CHP1: variants seen among roughly 807,000 people sequenced by gnomAD.
CHP1 encodes calcineurin B homologous protein 1.
Under a neutral mutation model 27.4 loss-of-function variants are expected in CHP1, and 11 were observed. That is an observed-to-expected ratio of 0.40 (90% CI 0.25 to 0.67). CHP1 has a LOEUF of 0.67. Ranked by LOEUF, CHP1 falls within the 30% of genes least tolerant of loss-of-function variation. The pLI is 0.38. For synonymous variants in CHP1, 89 were observed against 87.4 expected (o/e 1.02, Z -0.10); for missense variants, 169 against 251.3 (o/e 0.67, Z 2.22).
chr15:41,258,811 T>C (rs1278655159), intron 3 of CHP1, among the ~76,000 whole-genome samples: 2 of 152,318 alleles, frequency 1.3e-5, no homozygotes, highest in East Asian at 3.9e-4. Context: ...CAAAATATTA[T>C]ATGGGTGCCA....
intron 3 of CHP1, among the ~76,000 whole-genome samples, chr15:41,257,873 A>G (rs1051454217): frequency 1.3e-5 from 2 of 152,154 alleles, no homozygotes; most frequent in African/African-American, 4.8e-5. Context: ...ATTTTTTCAT[A>G]ATAAGTCCTT....
intron 4 of CHP1, among the ~76,000 whole-genome samples, chr15:41,268,335 T>C (rs960217671): frequency 6.6e-6 from 1 of 151,918 alleles, no homozygotes; most frequent in Non-Finnish European, 1.5e-5. Flanking sequence ...GGCAGGAGGA[T>C]TGCTTGAGCC....
intron 1 of CHP1, among the ~76,000 whole-genome samples, chr15:41,241,218 C>G (rs986741888): frequency 6.6e-6 from 1 of 152,174 alleles, no homozygotes; most frequent in Non-Finnish European, 1.5e-5. Flanking sequence ...ACAAGAATAG[C>G]CTTTGAGGCC....
chr15:41,253,239 C>T (rs1284826029), intron 2 of CHP1, among the ~76,000 whole-genome samples: 2 of 151,432 alleles, frequency 1.3e-5, no homozygotes, highest in South Asian at 2.1e-4. Flanking sequence ...GCCCGGCCTT[C>T]GGATGGATCT....
intron 2 of CHP1, among the ~76,000 whole-genome samples, chr15:41,250,520 T>C (rs754980734): frequency 1.3e-5 from 2 of 151,908 alleles, no homozygotes; most frequent in Non-Finnish European, 2.9e-5. Flanking sequence ...TGAGCCAAGA[T>C]CATGCCATTG....
chr15:41,235,611 C>T (rs1240099081), intron 1 of CHP1, among the ~76,000 whole-genome samples: 1 of 152,184 alleles, frequency 6.6e-6, no homozygotes, highest in Non-Finnish European at 1.5e-5. Context: ...TATTTTTAGT[C>T]TCTACCTTTT....
intron 5 of CHP1, among the ~76,000 whole-genome samples, chr15:41,277,748 A>G (rs1201626899): frequency 6.7e-6 from 1 of 148,320 alleles, no homozygotes; most frequent in African/African-American, 2.5e-5. Context: ...AGATCGTGCC[A>G]TTGCACTCCA....
chr15:41,278,653 T>C (rs1392718432), intron 5 of CHP1, 114 bp from the exon 6 acceptor site: 5 of 1,268,760 alleles, frequency 3.9e-6, no homozygotes, highest in Non-Finnish European at 5.6e-6. Flanking sequence ...AGTGCATGAC[T>C]GTATTTGAGG....
At chr15:41,262,982 A>T in intron 4 of CHP1, 99 bp downstream of exon 4, 1 of 1,468,062 alleles carries the variant, frequency 6.8e-7, no homozygotes, top group Non-Finnish European at 9.3e-7. Context: ...CTACAAGAGC[A>T]TACTGGTTAA....
rs532301410 is a variant in CHP1, at chr15:41,251,017, T to G, written c.141-5893T>G. 2.6e-5 allele frequency among the ~76,000 whole-genome samples: 4 copies of G among 152,194 alleles called. No individual in the cohort carries two copies. The East Asian group carries it at 7.7e-4, about 29-fold the overall frequency. On this transcript the variant is annotated intron_variant, in intron 2 of 6. Coordinates refer to ENST00000334660, the MANE Select transcript of CHP1 (RefSeq NM_007236.5). ...GCCCAGTGAATTTTTTTATTTTTAG[T>G]AGAGACGGGTTTCACCATGTTGGCC... is the stretch of plus-strand genomic sequence containing the variant.
At chr15:41,276,484 A>T (rs2047520132) in intron 5 of CHP1, among the ~76,000 whole-genome samples, 1 of 152,188 alleles carries the variant, frequency 6.6e-6, no homozygotes, top group Non-Finnish European at 1.5e-5. Flanking sequence ...TCAAATTGTT[A>T]AAGTTGCTTA....
intron 5 of CHP1, among the ~76,000 whole-genome samples, chr15:41,274,823 C>G (rs1567012478): frequency 6.9e-6 from 1 of 144,856 alleles, no homozygotes; most frequent in Non-Finnish European, 1.5e-5. Flanking sequence ...TGGAGTCTCG[C>G]TCTGTTGCCC....
chr15:41,232,751 G>A (rs968682259), intron 1 of CHP1, among the ~76,000 whole-genome samples: 2 of 152,060 alleles, frequency 1.3e-5, no homozygotes, highest in Non-Finnish European at 2.9e-5. Flanking sequence ...CATCATACTT[G>A]TCTTTGATAA....
At chr15:41,250,091 A>G (rs1595474761) in intron 2 of CHP1, among the ~76,000 whole-genome samples, 1 of 98,322 alleles carries the variant, frequency 1.0e-5, no homozygotes, top group East Asian at 2.6e-4. Context: ...GTGTTATGTT[A>G]AAAAAAAAAA....
At chr15:41,251,012 T>C (rs1188012754) in intron 2 of CHP1, among the ~76,000 whole-genome samples, 1 of 152,068 alleles carries the variant, frequency 6.6e-6, no homozygotes, top group Non-Finnish European at 1.5e-5. Context: ...TTTTTTTATT[T>C]TTAGTAGAGA....
At chr15:41,268,853 G>C (rs879313978) in intron 4 of CHP1, among the ~76,000 whole-genome samples, 4 of 151,552 alleles carry the variant, frequency 2.6e-5, no homozygotes, top group East Asian at 3.9e-4. Context: ...CCAGCTACTC[G>C]GGAGGCTGAG....
intron 2 of CHP1, among the ~76,000 whole-genome samples, chr15:41,249,462 C>CTTTTTT (rs1163537727): frequency 8.9e-5 from 7 of 78,480 alleles, no homozygotes; most frequent in African/African-American, 1.2e-4. Context: ...CCTTCACCTT[C>CTTTTTT]TTTTTTTTTT....
intron 4 of CHP1, 149 bp downstream of exon 4, chr15:41,263,032 C>G (rs1595479449): frequency 9.5e-7 from 1 of 1,047,910 alleles, no homozygotes; most frequent in Non-Finnish European, 1.4e-6. Context: ...AGATTAAATA[C>G]TAGTCTACCC....
intron 2 of CHP1, among the ~76,000 whole-genome samples, chr15:41,247,301 G>C (rs950261191): frequency 6.6e-6 from 1 of 151,686 alleles, no homozygotes; most frequent in African/African-American, 2.4e-5. Flanking sequence ...CCCGGGAGGC[G>C]GAGGTTGTAG....
Sources: allele counts gnomAD v4.1 joint callset (sites outside exome capture counted in the v4.1 genomes callset), GRCh38; gene constraint gnomAD v4.1.1; transcripts MANE v1.5; gene names NCBI Gene and HGNC (gene_info 2026-07-23, HGNC 2026-07-21).